TMEM109: variants seen among roughly 807,000 people sequenced by gnomAD.
TMEM109 encodes transmembrane protein 109.
TMEM109 carries 19 observed loss-of-function variants against 26.4 expected under a neutral mutation model. That is an observed-to-expected ratio of 0.72 (90% CI 0.50 to 1.06). TMEM109 has a LOEUF of 1.06. Ranked by LOEUF, TMEM109 falls within the 50% of genes least tolerant of loss-of-function variation. The pLI is 0.00. For missense variants in TMEM109, 262 were observed against 303.4 expected, an observed-to-expected ratio of 0.86 and a Z score of 1.01; for synonymous variants, 129 against 142.0, an observed-to-expected ratio of 0.91 and a Z score of 0.65.
chr11:60,918,242 T>C (rs934737350), intron 1 of TMEM109, among the ~76,000 whole-genome samples: 14 of 152,234 alleles, frequency 9.2e-5, no homozygotes, highest in African/African-American at 3.4e-4. Context: ...CATTATACCC[T>C]TGCTCACTGT....
At position 60,920,910 on chromosome 11, in the gene TMEM109, A is replaced by C. The variant is rs1565116140; in HGVS notation, c.262A>C (p.Ile88Leu). 6.2e-7 allele frequency: 1 copy of C among 1,614,144 alleles called. No individual in the cohort carries two copies. The highest frequency in any genetic ancestry group is 1.7e-5 in the Admixed American group (1 of 60,018). The change falls in exon 3 of 4, where the codon ATC (isoleucine) becomes CTC (leucine). Residue 88 changes from isoleucine (I) to leucine (L), a missense_variant. Ile to Leu is a conservative substitution (Grantham distance 5). Coordinates refer to ENST00000227525, the MANE Select transcript of TMEM109 (RefSeq NM_024092.3). ...SESSSQVLWAISSAISVAFFA... is the reference protein window; with the variant it reads ...SESSSQVLWALSSAISVAFFA... The stretch of plus-strand genomic sequence containing the variant: ...GTCTTCGTCCCAAGTGTTGTGGGCC[A>C]TCTCATCAGCCATTTCTGTGGCCTT...
rs140800879 is a variant in TMEM109 at position 60,921,950 on chromosome 11, G to C, written c.517G>C (p.Val173Leu). Residue 173 changes from valine (V) to leucine (L), a missense_variant, in exon 4 of 4, where the codon GTG becomes CTG. Transcript: ENST00000227525. ...LKLVIFLAGF[V>L]ALMRSVPDPS... ...GCTTGTCATCTTCCTGGCCGGCTTCGTGGCCCTGATGAGGTCGGTGCCTGA... is the reference window on the plus strand; with the variant it reads ...GCTTGTCATCTTCCTGGCCGGCTTCCTGGCCCTGATGAGGTCGGTGCCTGA... The C allele has an allele frequency of 5.0e-6, 8 of 1,613,862 alleles. No individual in the cohort carries two copies. The African/African-American group carries it at 9.3e-5, about 19-fold the overall frequency.
At chr11:60,919,469 G>T (rs1479677038) in intron 1 of TMEM109, among the ~76,000 whole-genome samples, 1 of 152,222 alleles carries the variant, frequency 6.6e-6, no homozygotes, top group Non-Finnish European at 1.5e-5. Flanking sequence ...TATGCAAGTG[G>T]TAAAGAATGT....
At chr11:60,916,772 C>G (rs1322813701) in intron 1 of TMEM109, among the ~76,000 whole-genome samples, 1 of 152,178 alleles carries the variant, frequency 6.6e-6, no homozygotes, top group Non-Finnish European at 1.5e-5. Flanking sequence ...GGCAGACAGC[C>G]ACTGGAGAGT....
chr11:60,921,851 G>GTCGTCTACTGGCTGCTGTCTCTGC lies in TMEM109; in HGVS notation c.421_444dup (p.Val141_Leu148dup). 6.2e-7 allele frequency: 1 copy of GTCGTCTACTGGCTGCTGTCTCTGC among 1,614,166 alleles called. No homozygotes were observed. The stretch of plus-strand genomic sequence containing the variant: ...CCTGCTGTGGGGAGCAGGGGCCCTG[G>GTCGTCTACTGGCTGCTGTCTCTGC]TCGTCTACTGGCTGCTGTCTCTGCT... On this transcript the variant is annotated inframe_insertion, in exon 4 of 4. Transcript: ENST00000227525.
At chr11:60,918,693 C>T (rs1313292209) in intron 1 of TMEM109, 1 of 151,578 alleles carries the variant, frequency 6.6e-6, no homozygotes, top group Non-Finnish European at 1.5e-5. Flanking sequence ...ATCCAACATC[C>T]TTGGCTGGAC....
At chr11:60,916,550 A>T (rs1440478005) in intron 1 of TMEM109, among the ~76,000 whole-genome samples, 2 of 152,126 alleles carry the variant, frequency 1.3e-5, no homozygotes, top group African/African-American at 4.8e-5. Context: ...CCTGAGATTC[A>T]CCTGGAAAAA....
rs757530767 is a variant in TMEM109, at chr11:60,919,815, C to T, written c.122C>T (p.Pro41Leu). The T allele has an allele frequency of 6.2e-7, 1 of 1,614,164 alleles. No individual in the cohort carries two copies. The highest frequency in any genetic ancestry group is 1.1e-5 in the South Asian group (1 of 91,080). Residue 41 changes from proline to leucine, a missense_variant, in exon 2 of 4, where the codon CCA becomes CTA. Pro to Leu is a moderately conservative substitution (Grantham distance 98). Transcript: ENST00000227525. ...ALAQSRRDFA[P>L]PGQQKREAPV... The stretch of plus-strand genomic sequence containing the variant: ...GCCCAGTCCCGTCGAGACTTTGCAC[C>T]ACCAGGCCAACAGAAGAGAGAAGCC...
chr11:60,920,783 T>C, intron 2 of TMEM109, 103 bp from the exon 3 acceptor site: 1 of 1,054,576 alleles, frequency 9.5e-7, no homozygotes, highest in South Asian at 1.4e-5. Flanking sequence ...GAGAAACAGG[T>C]CTGAGACATT....
At chr11:60,919,076 C>T (rs890344843) in intron 1 of TMEM109, 4 of 153,956 alleles carry the variant, frequency 2.6e-5, no homozygotes, top group African/African-American at 9.6e-5. Flanking sequence ...TGGGAAAATG[C>T]TTAACTTCTG....
intron 1 of TMEM109, among the ~76,000 whole-genome samples, chr11:60,917,204 C>T (rs767593399): frequency 6.6e-6 from 1 of 152,180 alleles, no homozygotes; most frequent in Non-Finnish European, 1.5e-5. Context: ...CTCCTCCTTC[C>T]CCCTAAGCAA....
Position 60,922,373 on chromosome 11 carries a change from T to G in TMEM109, c.*208T>G. 1.3e-6 allele frequency: 2 copies of G among 1,532,070 alleles called. No individual in the cohort carries two copies. Among genetic ancestry groups the G allele is most frequent in the Non-Finnish European group, 8.7e-7 (1 of 1,144,642 alleles). 94.9% of individuals were successfully genotyped at this position (1,532,070 alleles called of 1,614,324 possible). ...TGCGGCCCTGTCTTCTGAGGTTCTCTGTCTGGGGTTGGCTCTCTTAACCCT... is the reference window on the plus strand; with the variant it reads ...TGCGGCCCTGTCTTCTGAGGTTCTCGGTCTGGGGTTGGCTCTCTTAACCCT... On this transcript the variant is annotated 3_prime_UTR_variant, in exon 4 of 4. Coordinates refer to ENST00000227525, the MANE Select transcript of TMEM109 (RefSeq NM_024092.3).
intron 1 of TMEM109, among the ~76,000 whole-genome samples, chr11:60,919,321 A>G (rs765503198): frequency 1.3e-5 from 2 of 152,216 alleles, no homozygotes; most frequent in Non-Finnish European, 2.9e-5. Context: ...CAGAGCCTTT[A>G]TAGAGTCTTA....
In TMEM109 at chr11:60,921,779, T is replaced by C. The variant is rs1856242563; in HGVS notation, c.346T>C (p.Tyr116His). The change falls in exon 4 of 4, where the codon TAC (tyrosine) becomes CAC (histidine). Residue 116 changes from tyrosine to histidine, a missense_variant. By Grantham distance (83) the Tyr-to-His change is moderately conservative. Transcript: ENST00000227525. ...LLNALGLAGDYLAQGLKLSPG... is the reference protein window; with the variant it reads ...LLNALGLAGDHLAQGLKLSPG... ...GTGACTCTCTTGGCTTCCAGGTGATTACCTCGCCCAGGGCCTGAAGCTCAG... is the reference window on the plus strand; with the variant it reads ...GTGACTCTCTTGGCTTCCAGGTGATCACCTCGCCCAGGGCCTGAAGCTCAG... 5.0e-6 allele frequency: 8 copies of C among 1,607,542 alleles called. No homozygotes were observed. Among genetic ancestry groups the C allele is most frequent in the Non-Finnish European group, 6.8e-6 (8 of 1,177,840 alleles).
intron 1 of TMEM109, among the ~76,000 whole-genome samples, chr11:60,914,789 T>C (rs983827890): frequency 6.6e-6 from 1 of 152,282 alleles, no homozygotes; most frequent in Admixed American, 6.5e-5. Flanking sequence ...GCTGCCCCTT[T>C]GCCGTCGCCC....
intron 1 of TMEM109, among the ~76,000 whole-genome samples, chr11:60,914,893 G>T (rs1191992894): frequency 6.6e-6 from 1 of 152,228 alleles, no homozygotes; most frequent in Admixed American, 6.5e-5. Context: ...CTGCAGTGGC[G>T]GCTTCGCCTT....
At position 60,922,001 on chromosome 11, in the gene TMEM109, C is replaced by G. The variant is rs1856246809; in HGVS notation, c.568C>G (p.Leu190Val). Reference protein sequence around the residue: ...PDPSTRALLLLALLILYALLS... With the variant: ...PDPSTRALLLVALLILYALLS... ...CCCTTCCACCCGGGCCCTGCTACTCCTGGCCTTGCTGATCCTCTACGCCCT... is the reference window on the plus strand; with the variant it reads ...CCCTTCCACCCGGGCCCTGCTACTCGTGGCCTTGCTGATCCTCTACGCCCT... Residue 190 changes from leucine (L) to valine (V), a missense_variant, in exon 4 of 4, where the codon CTG (leucine) becomes GTG (valine). Transcript: ENST00000227525. 2 of 1,613,318 alleles carry G rather than the reference C, an allele frequency of 1.2e-6. No individual in the cohort carries two copies. The highest frequency in any genetic ancestry group is 1.7e-6 in the Non-Finnish European group (2 of 1,179,974).
intron 1 of TMEM109, chr11:60,918,892 A>G (rs1298970673): frequency 6.6e-6 from 1 of 152,286 alleles, no homozygotes; most frequent in East Asian, 1.9e-4. Flanking sequence ...CACCCAGACA[A>G]TGATATCAGA....
Position 60,922,143 on chromosome 11 carries a change from C to T in TMEM109, c.710C>T (p.Ala237Val). The change falls in exon 4 of 4, where the codon GCC becomes GTC. Residue 237 changes from alanine to valine, a missense_variant. By Grantham distance (64) the Ala-to-Val change is moderately conservative (BLOSUM62 0). Coordinates refer to ENST00000227525, the MANE Select transcript of TMEM109 (RefSeq NM_024092.3). The part of the protein sequence containing the change: ...RWRQRRAAKG[A>V]RSVEEE ...CGCCAGAGGCGAGCGGCCAAGGGGGCCCGCAGTGTGGAGGAGGAGTGAGCC... is the reference window on the plus strand; with the variant it reads ...CGCCAGAGGCGAGCGGCCAAGGGGGTCCGCAGTGTGGAGGAGGAGTGAGCC... 1.3e-6 allele frequency: 2 copies of T among 1,599,502 alleles called. No individual in the cohort carries two copies. Among genetic ancestry groups the T allele is most frequent in the African/African-American group, 2.7e-5 (2 of 74,564 alleles).
Sources: gnomAD v4.1 joint callset for allele counts (sites outside exome capture counted in the v4.1 genomes callset) on GRCh38, gnomAD v4.1.1 for gene constraint, MANE v1.5 for transcripts, NCBI Gene and HGNC (gene_info 2026-07-23, HGNC 2026-07-21) for gene names.